ADAMTSL5: variants seen among roughly 807,000 people sequenced by gnomAD.
The protein encoded by ADAMTSL5 is ADAMTS-like protein 5.
In ADAMTSL5, 53 loss-of-function variants were observed where a neutral mutation model predicts 51.7. The ratio of observed to expected loss-of-function variants is 1.03; its 90% CI spans 0.82 to 1.29. The LOEUF (loss-of-function observed/expected upper bound fraction) is 1.29, where lower values mean the gene tolerates loss of function less well. Ranked by LOEUF, ADAMTSL5 falls within the 50% of genes most tolerant of loss-of-function variation. The pLI, the probability that ADAMTSL5 is intolerant of heterozygous loss-of-function variation, is 0.00. For missense variants in ADAMTSL5, 770 were observed against 676.2 expected (o/e 1.14, Z -1.54); for synonymous variants, 285 against 278.7 (o/e 1.02, Z -0.23).
rs754418182 is a variant in ADAMTSL5, at chr19:1,507,384, C to T, written c.710G>A (p.Arg237His). The T allele has an allele frequency of 1.5e-5, 24 of 1,574,410 alleles. No homozygotes were observed. Among genetic ancestry groups the T allele is most frequent in the East Asian group, 2.2e-5 (1 of 44,590 alleles). ...CACCCAGTGCCCATTAAGCACGTAG[C>T]GCCCATCGCCCCCCATCAGTGCTGC... ...NHLALMGGDG[R>H]YVLNGHWVVS... Residue 237 changes from arginine (R) to histidine (H), a missense_variant, in exon 9 of 12, where the codon CGC (arginine) becomes CAC (histidine). Arg to His is a conservative substitution (Grantham distance 29, BLOSUM62 0). Transcript: ENST00000330475.
At position 1,506,781 on chromosome 19, in the gene ADAMTSL5, CT is replaced by C. The variant is rs778047612; in HGVS notation, c.999del (p.Ala334ProfsTer94). 2.7e-5 allele frequency: 41 copies of C among 1,542,878 alleles called. No individual in the cohort carries two copies. Among genetic ancestry groups the C allele is most frequent in the African/African-American group, 5.5e-5 (4 of 72,674 alleles). On this transcript the variant is annotated frameshift_variant, in exon 10 of 12. Coordinates refer to ENST00000330475, the MANE Select transcript of ADAMTSL5 (RefSeq NM_213604.3). LOFTEE classifies it high-confidence loss of function. The surrounding 1 kb of genome is among the most constrained non-coding windows in gnomAD (Gnocchi z 5.6). ...GTCTGTGCAGGGGTGACAGCAGGGG[CT>C]GCGGGGGGCTGAGGCTCCACCCCCC... Reference protein sequence around the residue: ...QPRGVEPQPPAAPAVTPAQTP... With the variant: ...QPRGVEPQPPXAPAVTPAQTP...
Position 1,508,018 on chromosome 19 carries a change from T to C in ADAMTSL5, c.581A>G (p.Gln194Arg). The C allele has an allele frequency of 1.9e-6, 3 of 1,603,880 alleles. No individual in the cohort carries two copies. The highest frequency in any genetic ancestry group is 2.6e-6 in the Non-Finnish European group (3 of 1,176,040). The change falls in exon 7 of 12, where the codon CAG becomes CGG. Residue 194 changes from glutamine to arginine, a missense_variant. Coordinates refer to ENST00000330475, the MANE Select transcript of ADAMTSL5 (RefSeq NM_213604.3). ...GTCACCGGCGTCACGAAACACGCGC[T>C]GCACGAAAAGGCACGAGTCGTTGGC... ...GGANDSCLFV[Q>R]RVFRDAGAFA...
chr19:1,508,255 A>G (rs1363141174), intron 6 of ADAMTSL5, 146 bp from the exon 7 acceptor site: 2 of 843,122 alleles, frequency 2.4e-6, no homozygotes, highest in Admixed American at 4.4e-5. Context: ...CGGGAGGAGG[A>G]TGGGCTTGGC....
chr19:1,507,405 G>A lies in ADAMTSL5; in HGVS notation c.689C>T (p.Ala230Val). ...GTAGCGCCCATCGCCCCCCATCAGT[G>A]CTGCAAGGGAACAGTCAGCCCTCAG... ...RVEHRSRNHL[A>V]LMGGDGRYVL... The change falls in exon 9 of 12, where the codon GCA becomes GTA. Residue 230 changes from alanine to valine, a missense_variant and splice_region_variant. Transcript: ENST00000330475. The A allele has an allele frequency of 1.3e-6, 2 of 1,579,692 alleles. No individual in the cohort carries two copies. Among genetic ancestry groups the A allele is most frequent in the Non-Finnish European group, 1.7e-6 (2 of 1,161,672 alleles).
intron 5 of ADAMTSL5, among the ~76,000 whole-genome samples, chr19:1,509,691 G>T (rs935709515): frequency 1.5e-4 from 22 of 142,388 alleles, no homozygotes; most frequent in Admixed American, 7.8e-4. Context: ...AAGGAAGAAA[G>T]GGAAGGAAGG....
rs1435061912 is a variant in ADAMTSL5 at position 1,506,948 on chromosome 19, A to G, written c.853-20T>C. ...GAGGACCTGGAGCAGGGGAGGGGAC[A>G]CAGGGAGCTTCACAGGAGGCTGGGG... On this transcript the variant is annotated intron_variant, in intron 9 of 11. Coordinates refer to ENST00000330475, the MANE Select transcript of ADAMTSL5 (RefSeq NM_213604.3). This position sits in a 1 kb window ranked among gnomAD's most constrained non-coding sequence, Gnocchi z 5.6. The G allele has an allele frequency of 1.6e-5, 25 of 1,536,714 alleles. No homozygotes were observed. The Admixed American group carries it at 5.4e-4, about 33-fold the overall frequency.
chr19:1,512,396 G>A (rs1057047454), intron 1 of ADAMTSL5, among the ~76,000 whole-genome samples: 23 of 152,196 alleles, frequency 1.5e-4, no homozygotes, highest in African/African-American at 5.5e-4. Context: ...ACAAGGGGAG[G>A]GGGGCCAGGT....
rs376576492 is a variant in ADAMTSL5 at position 1,510,268 on chromosome 19, G to A, written c.253-10C>T. On this transcript the variant is annotated splice_polypyrimidine_tract_variant and intron_variant, in intron 4 of 11. Transcript: ENST00000330475. ...CCCCTGGGGGGCAGTCCTAGGGACAGAGATAGGTGAGCCAGAGGCTGGGAC... is the reference window on the plus strand; with the variant it reads ...CCCCTGGGGGGCAGTCCTAGGGACAAAGATAGGTGAGCCAGAGGCTGGGAC... The A allele has an allele frequency of 6.2e-7, 1 of 1,613,128 alleles. No homozygotes were observed. Among genetic ancestry groups the A allele is most frequent in the African/African-American group, 1.3e-5 (1 of 74,916 alleles).
chr19:1,510,522 A>G, intron 3 of ADAMTSL5, 94 bp from the exon 4 acceptor site: 1 of 1,499,798 alleles, frequency 6.7e-7, no homozygotes, highest in Non-Finnish European at 9.0e-7. Context: ...CCCGCATTCC[A>G]GCGGGATCAG....
rs928559539 is a variant in ADAMTSL5 at position 1,510,031 on chromosome 19, C to A, written c.361+119G>T. ...TTCTGTTTCACTAACTCCTACATAT[C>A]CTTCAAAGCCCTAGCACTAATACCC... On this transcript the variant is annotated intron_variant, in intron 5 of 11. Coordinates refer to ENST00000330475, the MANE Select transcript of ADAMTSL5 (RefSeq NM_213604.3). 5 of 781,852 alleles carry A rather than the reference C, an allele frequency of 6.4e-6. No individual in the cohort carries two copies. In the African/African-American group the frequency reaches 7.0e-5, roughly 11 times the overall value. 48.4% of individuals were successfully genotyped at this position (781,852 alleles called of 1,614,324 possible).
At position 1,506,448 on chromosome 19, in the gene ADAMTSL5, G is replaced by A. The variant is rs1384418261; in HGVS notation, c.1115-132C>T. On this transcript the variant is annotated intron_variant, in intron 11 of 11. Coordinates refer to ENST00000330475, the MANE Select transcript of ADAMTSL5 (RefSeq NM_213604.3). The surrounding 1 kb of genome is among the most constrained non-coding windows in gnomAD (Gnocchi z 5.6). ...CTATAGGGACTAGAGTCAGGATCAC[G>A]TCAGGGATCAATGAGGGATTAGGGT... The A allele has an allele frequency of 9.7e-6, 14 of 1,447,738 alleles. No homozygotes were observed. Among genetic ancestry groups the A allele is most frequent in the Admixed American group, 7.9e-5 (4 of 50,352 alleles). The allele number at this position is 1,447,738 out of a possible 1,614,324, so 89.7% of individuals were successfully genotyped here.
At position 1,510,803 on chromosome 19, in the gene ADAMTSL5, C is replaced by T. The variant is rs1392320152; in HGVS notation, c.99+42G>A. ...TGACCCCACACTGCTGACTGGGTCC[C>T]CATTCCCACTCGCCACCCCCTGGGC... On this transcript the variant is annotated intron_variant, in intron 2 of 11. Transcript: ENST00000330475. The T allele has an allele frequency of 6.6e-6, 10 of 1,514,946 alleles. No homozygotes were observed. The African/African-American group carries it at 7.1e-5, about 11-fold the overall frequency. The allele number at this position is 1,514,946 out of a possible 1,614,324, so 93.8% of individuals were successfully genotyped here. A position where few individuals can be genotyped will look rare whatever the true frequency, so the allele number is the denominator to read the frequency against.
chr19:1,511,173 T>C lies in ADAMTSL5; in HGVS notation c.-217-13A>G. On this transcript the variant is annotated splice_polypyrimidine_tract_variant and intron_variant, in intron 1 of 11. Coordinates refer to ENST00000330475, the MANE Select transcript of ADAMTSL5 (RefSeq NM_213604.3). ...CTCAGAATGTCATCTGCAATTATTA[T>C]TGTTGTTAGTTAGTTTGTTTTTGAG... 2 of 302,040 alleles carry C rather than the reference T, an allele frequency of 6.6e-6. No individual in the cohort carries two copies. Among genetic ancestry groups the C allele is most frequent in the Non-Finnish European group, 1.1e-5 (2 of 183,490 alleles). The allele number at this position is 302,040 out of a possible 1,614,324, so 18.7% of individuals were successfully genotyped here. A position where few individuals can be genotyped will look rare whatever the true frequency, so the allele number is the denominator to read the frequency against.
Position 1,510,421 on chromosome 19 carries a change from C to T in ADAMTSL5, c.199G>A (p.Gly67Arg), listed in dbSNP as rs2145511624. ...GAGTCTCCCCAGCACGGTTCTTCCCCAGGAAGCCTGAAGGGAGACAGAGTG... is the reference window on the plus strand; with the variant it reads ...GAGTCTCCCCAGCACGGTTCTTCCCTAGGAAGCCTGAAGGGAGACAGAGTG... ...VRSRRCLRLP[G>R]EEPCWGDSHE... The change falls in exon 4 of 12, where the codon GGG (glycine) becomes AGG (arginine). Residue 67 changes from glycine to arginine, a missense_variant. Coordinates refer to ENST00000330475, the MANE Select transcript of ADAMTSL5 (RefSeq NM_213604.3). The T allele has an allele frequency of 6.2e-7, 1 of 1,611,086 alleles. No homozygotes were observed. The highest frequency in any genetic ancestry group is 1.3e-5 in the African/African-American group (1 of 74,980).
intron 5 of ADAMTSL5, chr19:1,508,779 GCATTCATT>G (rs112104243): frequency 7.9e-6 from 4 of 508,064 alleles, no homozygotes; most frequent in East Asian, 3.5e-5. Context: ...TCCTGGGGCT[GCATTCATT>G]CATTCATTCA....
chr19:1,510,295 AC>A lies in ADAMTSL5; in HGVS notation c.253-38del, dbSNP rs558828966. On this transcript the variant is annotated intron_variant, in intron 4 of 11. Transcript: ENST00000330475. Reference sequence around the variant, plus strand: ...GATAGGTGAGCCAGAGGCTGGGACAACCCCAAGGGGCAGGTGGTGGGCTTCA... The same window carrying A: ...GATAGGTGAGCCAGAGGCTGGGACAACCCAAGGGGCAGGTGGTGGGCTTCA... 611 of 1,612,898 alleles carry A rather than the reference AC, an allele frequency of 3.8e-4. 3 individuals carry two copies. In the African/African-American group the frequency reaches 7.3e-3, roughly 19 times the overall value.
rs1913241700 is a variant in ADAMTSL5 at position 1,511,043 on chromosome 19, C to A, written c.-100G>T. The A allele has an allele frequency of 1.1e-6, 1 of 940,926 alleles. No individual in the cohort carries two copies. Among genetic ancestry groups the A allele is most frequent in the Admixed American group, 4.0e-5 (1 of 24,714 alleles). The allele number at this position is 940,926 out of a possible 1,614,324, so 58.3% of individuals were successfully genotyped here. ...AACCTCTCTGAGCCCTACCTCTCGTCTCTGAAAAACGGGGTAATAGAGCCT... is the reference window on the plus strand; with the variant it reads ...AACCTCTCTGAGCCCTACCTCTCGTATCTGAAAAACGGGGTAATAGAGCCT... On this transcript the variant is annotated 5_prime_UTR_variant, in exon 2 of 12. Coordinates refer to ENST00000330475, the MANE Select transcript of ADAMTSL5 (RefSeq NM_213604.3).
At chr19:1,511,509 A>G (rs900859668) in intron 1 of ADAMTSL5, 8 of 1,175,352 alleles carry the variant, frequency 6.8e-6, no homozygotes, top group Non-Finnish European at 8.6e-6. Flanking sequence ...GCTATAATGC[A>G]GACAGTAGGT....
chr19:1,511,031 C>T lies in ADAMTSL5; in HGVS notation c.-88G>A. 1 of 1,037,610 alleles carries T rather than the reference C, an allele frequency of 9.6e-7. No homozygotes were observed. The highest frequency in any genetic ancestry group is 1.3e-6 in the Non-Finnish European group (1 of 783,186). 64.3% of individuals were successfully genotyped at this position (1,037,610 alleles called of 1,614,324 possible). ...GGAAAGTAACTAAACCTCTCTGAGC[C>T]CTACCTCTCGTCTCTGAAAAACGGG... On this transcript the variant is annotated 5_prime_UTR_variant, in exon 2 of 12. Coordinates refer to ENST00000330475, the MANE Select transcript of ADAMTSL5 (RefSeq NM_213604.3).
Sources: allele counts gnomAD v4.1 joint callset (sites outside exome capture counted in the v4.1 genomes callset), GRCh38; gene constraint gnomAD v4.1.1; non-coding constraint Gnocchi (gnomAD v3.1); transcripts MANE v1.5; gene names NCBI Gene and HGNC (gene_info 2026-07-23, HGNC 2026-07-21).